Variants in PPIG observed in about 807,000 individuals in gnomAD.
PPIG encodes the protein peptidylprolyl isomerase G.
In PPIG, 26 loss-of-function variants were observed where a neutral mutation model predicts 87.9. That is an observed-to-expected ratio of 0.30 (90% confidence interval 0.22 to 0.41). The LOEUF is 0.41. Among genes scored for constraint, PPIG ranks in the 10% least tolerant of loss-of-function variants. The pLI is 1.00. For missense variants in PPIG, 722 were observed against 879.4 expected (o/e 0.82, Z 2.26); for synonymous variants, 308 against 276.5 (o/e 1.11, Z -1.13).
rs1686204849 is a variant in PPIG, at chr2:169,637,216, A to G, written c.1958A>G (p.His653Arg). 6.2e-7 allele frequency: 1 copy of G among 1,613,454 alleles called. No homozygotes were observed. Among genetic ancestry groups the G allele is most frequent in the Admixed American group, 1.7e-5 (1 of 59,918 alleles). ...AGAAACCAAGAGAGTAAGAGCTCAC[A>G]CAGAAAAGAAAATTCTGAGAGTGAG... ...KYRNQESKSS[H>R]RKENSESEKR... The change falls in exon 14 of 14, where the codon CAC becomes CGC. Residue 653 changes from histidine to arginine, a missense_variant. By Grantham distance (29) the His-to-Arg change is conservative. Transcript: ENST00000260970.
chr2:169,627,866 A>G (rs1047359274), intron 9 of PPIG, among the ~76,000 whole-genome samples: 5 of 152,024 alleles, frequency 3.3e-5, no homozygotes, highest in Non-Finnish European at 7.4e-5. Context: ...GAGTTACCAT[A>G]TTTTAACAAG....
Position 169,604,022 on chromosome 2 carries a change from AC to A in PPIG, c.-16-3del. 3.7e-6 allele frequency: 6 copies of A among 1,610,088 alleles called. No individual in the cohort carries two copies. In the South Asian group the frequency reaches 5.5e-5, roughly 15 times the overall value. On this transcript the variant is annotated splice_region_variant and splice_polypyrimidine_tract_variant and intron_variant, in intron 2 of 13. Coordinates refer to ENST00000260970, the MANE Select transcript of PPIG (RefSeq NM_004792.3). ...GCTTGTCTGAAACTGTATTTTACTC[AC>A]AGATTAAGTATTGGAGCCATGGGAA...
chr2:169,615,183 G>GGACT (rs1685580804), intron 9 of PPIG, among the ~76,000 whole-genome samples: 1 of 151,980 alleles, frequency 6.6e-6, no homozygotes. Context: ...CAAGTAGCTG[G>GGACT]GACTACAAGC....
rs778437117 is a variant in PPIG at position 169,614,688 on chromosome 2, A to G, written c.511A>G (p.Ile171Val). 6.2e-7 allele frequency: 1 copy of G among 1,611,592 alleles called. No homozygotes were observed. The highest frequency in any genetic ancestry group is 8.5e-7 in the Non-Finnish European group (1 of 1,179,718). ...AASKPFAEVRILSCGELIPKS... is the reference protein window; with the variant it reads ...AASKPFAEVRVLSCGELIPKS... ...TAGCAAACCGTTTGCGGAGGTACGG[A>G]TACTCAGTTGTGGAGAGCTGATTCC... The change falls in exon 9 of 14, where the codon ATA becomes GTA. Residue 171 changes from isoleucine to valine, a missense_variant. Around this residue, in one of 4 missense-constraint regions of PPIG, gnomAD observed 99 missense variants for 215.8 expected, o/e 0.46. Transcript: ENST00000260970.
intron 10 of PPIG, chr2:169,631,547 TGAGAG>T: frequency 7.7e-7 from 1 of 1,299,022 alleles, no homozygotes; most frequent in Non-Finnish European, 9.8e-7. Context: ...AAATATTTTT[TGAGAG>T]TGTGATAATC....
chr2:169,601,966 T>A (rs2683430), intron 1 of PPIG, among the ~76,000 whole-genome samples: 115,092 of 151,710 alleles, frequency 0.76, 43,862 homozygotes, highest in East Asian at 0.95. Context: ...AATAGTTTGG[T>A]TGTACAAGTT....
intron 9 of PPIG, among the ~76,000 whole-genome samples, chr2:169,625,337 C>T (rs190341805): frequency 1.3e-5 from 2 of 152,264 alleles, no homozygotes; most frequent in African/African-American, 2.4e-5. Flanking sequence ...CATTATTCCA[C>T]GTGTGTGTGA....
At chr2:169,607,537 A>C (rs546410131) in intron 6 of PPIG, among the ~76,000 whole-genome samples, 1 of 152,204 alleles carries the variant, frequency 6.6e-6, no homozygotes, top group Non-Finnish European at 1.5e-5. Context: ...AAATTTGACT[A>C]TAATATTTTC....
At chr2:169,585,462 C>T (rs1221308802) in intron 1 of PPIG, among the ~76,000 whole-genome samples, 1 of 151,808 alleles carries the variant, frequency 6.6e-6, no homozygotes, top group Non-Finnish European at 1.5e-5. Flanking sequence ...GGGTTTTCAC[C>T]GTGTTAGCCA....
chr2:169,605,482 G>C (rs573566783), intron 4 of PPIG, among the ~76,000 whole-genome samples: 1 of 152,044 alleles, frequency 6.6e-6, no homozygotes, highest in African/African-American at 2.4e-5. Context: ...CAGCCTGGGC[G>C]ACAAGAGTGA....
intron 1 of PPIG, among the ~76,000 whole-genome samples, chr2:169,596,251 C>G (rs1685012880): frequency 6.6e-6 from 1 of 151,628 alleles, no homozygotes; most frequent in East Asian, 1.9e-4. Context: ...ATTACAGGCA[C>G]ACGCCATCAT....
intron 9 of PPIG, among the ~76,000 whole-genome samples, chr2:169,615,476 C>A (rs1445227654): frequency 6.6e-6 from 1 of 152,214 alleles, no homozygotes; most frequent in Non-Finnish European, 1.5e-5. Flanking sequence ...CAACACATTT[C>A]CTTCTCTAAT....
intron 8 of PPIG, 23 bp from the exon 9 acceptor site, chr2:169,614,562 T>G: frequency 1.3e-6 from 2 of 1,580,372 alleles, no homozygotes; most frequent in Non-Finnish European, 8.6e-7. Flanking sequence ...TTTTATTTAA[T>G]AATTTTTTAC....
chr2:169,605,302 A>T (rs1022312378), intron 4 of PPIG, among the ~76,000 whole-genome samples: 5 of 152,184 alleles, frequency 3.3e-5, no homozygotes, highest in African/African-American at 1.2e-4. Context: ...ATTGCTCTCC[A>T]GCCTGGGCAA....
At chr2:169,607,694 C>T (rs561105681) in intron 6 of PPIG, among the ~76,000 whole-genome samples, 1 of 152,286 alleles carries the variant, frequency 6.6e-6, no homozygotes, top group Admixed American at 6.5e-5. Context: ...TAAAATTCTA[C>T]ATGATTTGTT....
intron 11 of PPIG, among the ~76,000 whole-genome samples, chr2:169,632,342 A>G (rs1053769900): frequency 1.3e-5 from 2 of 152,246 alleles, no homozygotes; most frequent in African/African-American, 4.8e-5. Flanking sequence ...GGTTTACAAC[A>G]TTGTAATAAA....
chr2:169,603,088 TAAAG>T (rs1348942027), intron 1 of PPIG, among the ~76,000 whole-genome samples: 2 of 152,308 alleles, frequency 1.3e-5, no homozygotes, highest in African/African-American at 4.8e-5. Flanking sequence ...GGTAGAAGAA[TAAAG>T]AGTTTTGTCT....
chr2:169,614,236 A>G lies in PPIG; in HGVS notation c.378-228A>G, dbSNP rs114330644. On this transcript the variant is annotated intron_variant, in intron 7 of 13. Coordinates refer to ENST00000260970, the MANE Select transcript of PPIG (RefSeq NM_004792.3). ...TACATAAAAGTTTTCAGCAGTAAGT[A>G]GATATTGCTTTTATAATTAGAACAA... is the stretch of plus-strand genomic sequence containing the variant. 5.4e-3 allele frequency among the ~76,000 whole-genome samples: 817 copies of G among 152,364 alleles called. 11 individuals are homozygous for G. The highest frequency in any genetic ancestry group is 0.018 in the African/African-American group (768 of 41,586).
At chr2:169,600,433 C>CT (rs1419153239) in intron 1 of PPIG, among the ~76,000 whole-genome samples, 1 of 152,144 alleles carries the variant, frequency 6.6e-6, no homozygotes, top group Admixed American at 6.6e-5. Context: ...ACCCAAAATG[C>CT]TTTGGACCAT....
Sources: allele counts gnomAD v4.1 joint callset (sites outside exome capture counted in the v4.1 genomes callset), GRCh38; gene constraint gnomAD v4.1.1; regional missense constraint gnomAD v4.1.1; transcripts MANE v1.5; gene names NCBI Gene and HGNC (gene_info 2026-07-23, HGNC 2026-07-21).